The following TMPRSS7 variants were observed in gnomAD, a reference collection of about 807,000 sequenced individuals.
TMPRSS7 encodes transmembrane protease serine 7.
TMPRSS7 carries 81 observed loss-of-function variants against 95.6 expected under a neutral mutation model. The ratio of observed to expected loss-of-function variants is 0.85; its 90% CI spans 0.71 to 1.02. The LOEUF (loss-of-function observed/expected upper bound fraction) is 1.02, where lower values mean the gene tolerates loss of function less well. Among genes scored for constraint, TMPRSS7 ranks in the 50% least tolerant of loss-of-function variants. The probability of loss-of-function intolerance (pLI) is 0.00; values close to 1 mark genes in which losing one functional copy is unlikely to be tolerated. For synonymous variants in TMPRSS7, 364 were observed against 337.8 expected, an observed-to-expected ratio of 1.08 and a Z score of -0.85; for missense variants, 945 against 955.2, an observed-to-expected ratio of 0.99 and a Z score of 0.14.
At chr3:112,050,320 G>C (rs1200205569) in intron 8 of TMPRSS7, among the ~76,000 whole-genome samples, 2 of 152,064 alleles carry the variant, frequency 1.3e-5, no homozygotes, top group Non-Finnish European at 2.9e-5. Context: ...TTAGAGGAGG[G>C]AATATGAGAG....
rs888501095 is a variant in TMPRSS7, at chr3:112,059,529, A to C, written c.1311-2258A>C. Among the ~76,000 whole-genome samples, 40 of 152,210 alleles carry C rather than the reference A, an allele frequency of 2.6e-4. 1 individual carries two copies. The highest frequency in any genetic ancestry group is 9.2e-4 in the African/African-American group (38 of 41,452). On this transcript the variant is annotated intron_variant, in intron 10 of 17. Transcript: ENST00000452346. ...ACTCTACTAAATGTTAATGGTGAGC[A>C]CAAAGGAAATCACTATGAGATTCAG...
rs1202297699 is a variant in TMPRSS7 at position 112,051,577 on chromosome 3, ATCTATATCTATCTCTAT to A, written c.1203+796_1203+812del. On this transcript the variant is annotated intron_variant, in intron 9 of 17. Transcript: ENST00000452346. ...TATCTATCTATCTATGTATCTATCT[ATCTATATCTATCTCTAT>A]TATCTATCTCTATTATCTATCTATC... Among the ~76,000 whole-genome samples, 362 of 150,854 alleles carry A rather than the reference ATCTATATCTATCTCTAT, an allele frequency of 2.4e-3. 2 individuals are homozygous for A. Among genetic ancestry groups the A allele is most frequent in the African/African-American group, 8.4e-3 (343 of 40,874 alleles).
chr3:112,077,149 G>A lies in TMPRSS7; in HGVS notation c.2224+5G>A. 1.2e-6 allele frequency: 2 copies of A among 1,613,120 alleles called. No individual in the cohort carries two copies. The highest frequency in any genetic ancestry group is 1.7e-6 in the Non-Finnish European group (2 of 1,179,426). On this transcript the variant is annotated splice_donor_5th_base_variant and intron_variant, in intron 16 of 17. Coordinates refer to ENST00000452346, the Ensembl canonical transcript of TMPRSS7. ...GGGGGCGAAGACACGAAGCAGGTGT[G>A]TGTATGAATGAATGGTCATGCCCTT... is the stretch of plus-strand genomic sequence containing the variant.
intron 13 of TMPRSS7, among the ~76,000 whole-genome samples, chr3:112,070,220 T>C (rs558911003): frequency 6.6e-6 from 1 of 152,358 alleles, no homozygotes; most frequent in Non-Finnish European, 1.5e-5. Flanking sequence ...TCTGTTCTTT[T>C]ACATTTGTTG....
intron 13 of TMPRSS7, among the ~76,000 whole-genome samples, chr3:112,070,712 C>T (rs1344539838): frequency 2.0e-5 from 3 of 152,156 alleles, no homozygotes; most frequent in Non-Finnish European, 4.4e-5. Context: ...TATTTTGAGC[C>T]TATGTCTGTC....
At chr3:112,074,393 A>G (rs2073688655) in exon 14 of TMPRSS7, 1 of 1,612,372 alleles carries the variant, frequency 6.2e-7, no homozygotes, top group African/African-American at 1.3e-5. Flanking sequence ...GTCCAGATGG[A>G]AGTGATGAAG....
In TMPRSS7 at chr3:112,062,764, A is replaced by G. The variant is rs1211627942; in HGVS notation, c.1448-761A>G. Among the ~76,000 whole-genome samples the G allele has an allele frequency of 2.0e-5, 3 of 152,138 alleles. No homozygotes were observed. In the East Asian group the frequency reaches 5.8e-4, roughly 29 times the overall value. ...TTTCCAGCTTCTCATCCATTCCATC[A>G]TGTGCCATTGAAATAGTGTTTCCCT... On this transcript the variant is annotated intron_variant, in intron 11 of 17. Coordinates refer to ENST00000452346, the Ensembl canonical transcript of TMPRSS7.
intron 2 of TMPRSS7, among the ~76,000 whole-genome samples, chr3:112,041,024 G>C (rs866634826): frequency 6.7e-6 from 1 of 150,330 alleles, no homozygotes; most frequent in Non-Finnish European, 1.5e-5. Flanking sequence ...AGAAGGATGC[G>C]TGAGCTTCTG....
exon 18 of TMPRSS7, chr3:112,080,975 G>C (rs2073771864): frequency 6.2e-7 from 1 of 1,613,708 alleles, no homozygotes; most frequent in African/African-American, 1.3e-5. Flanking sequence ...ATTTTGACTG[G>C]CATTGTTAGC....
intron 11 of TMPRSS7, 101 bp downstream of exon 11, chr3:112,062,024 AT>A (rs1296360743): frequency 5.2e-6 from 4 of 769,288 alleles, no homozygotes; most frequent in African/African-American, 1.8e-5. Context: ...ATACTGCTTT[AT>A]TTCTGCTATT....
intron 13 of TMPRSS7, among the ~76,000 whole-genome samples, chr3:112,069,867 T>TA (rs760351221): frequency 2.6e-5 from 4 of 152,220 alleles, no homozygotes; most frequent in Non-Finnish European, 5.9e-5. Flanking sequence ...TGCCTTCTGC[T>TA]AGCTTTTGAA....
At chr3:112,059,936 T>C (rs1251946621) in intron 10 of TMPRSS7, among the ~76,000 whole-genome samples, 1 of 152,186 alleles carries the variant, frequency 6.6e-6, no homozygotes, top group Non-Finnish European at 1.5e-5. Flanking sequence ...TCATTACCTA[T>C]TGGGGAACCT....
At chr3:112,071,490 C>A (rs1204995067) in intron 13 of TMPRSS7, among the ~76,000 whole-genome samples, 2 of 152,160 alleles carry the variant, frequency 1.3e-5, no homozygotes, top group Non-Finnish European at 2.9e-5. Flanking sequence ...TGAATGTTGG[C>A]CTGCCATGTA....
rs561531821 is a variant in TMPRSS7, at chr3:112,041,056, T to C, written c.299-864T>C. ...TCTGGAAAGAAGTCATAGCTTTCAT[T>C]TGAATTTTAGAGTCTGCAACCAAAA... On this transcript the variant is annotated intron_variant, in intron 2 of 17. Coordinates refer to ENST00000452346, the Ensembl canonical transcript of TMPRSS7. Among the ~76,000 whole-genome samples the C allele has an allele frequency of 1.1e-4, 17 of 149,480 alleles. No individual in the cohort carries two copies. In the South Asian group the frequency reaches 2.8e-3, roughly 24 times the overall value.
chr3:112,069,806 G>GT (rs1326194139), intron 13 of TMPRSS7, among the ~76,000 whole-genome samples: 1 of 151,902 alleles, frequency 6.6e-6, no homozygotes, highest in African/African-American at 2.4e-5. Flanking sequence ...TTTTTGAAGG[G>GT]TTTTTTGTGT....
At chr3:112,076,804 T>TAAA in intron 15 of TMPRSS7, 72 bp from the exon 16 acceptor site, 1 of 1,550,670 alleles carries the variant, frequency 6.4e-7, no homozygotes, top group Non-Finnish European at 8.8e-7. Flanking sequence ...CTCAACTCTT[T>TAAA]AGAGTGCTTG....
chr3:112,075,391 G>T (rs369413198), exon 15 of TMPRSS7: 16 of 1,534,048 alleles, frequency 1.0e-5, no homozygotes, highest in Middle Eastern at 1.7e-4. Flanking sequence ...GGGGTTGGCC[G>T]TGGCAGGTCA....
intron 13 of TMPRSS7, among the ~76,000 whole-genome samples, chr3:112,072,576 G>A (rs1283321538): frequency 6.6e-6 from 1 of 152,262 alleles, no homozygotes; most frequent in African/African-American, 2.4e-5. Context: ...TGCCCACAGA[G>A]GTGGAGTCTA....
chr3:112,054,553 T>A (rs541021134), intron 9 of TMPRSS7, among the ~76,000 whole-genome samples: 12 of 152,126 alleles, frequency 7.9e-5, no homozygotes, highest in Admixed American at 2.0e-4. Flanking sequence ...CTTTTCACTA[T>A]GGAGGAACTC....
Sources: allele counts gnomAD v4.1 joint callset (sites outside exome capture counted in the v4.1 genomes callset), GRCh38; gene constraint gnomAD v4.1.1; transcripts MANE v1.5; gene names NCBI Gene and HGNC (gene_info 2026-07-23, HGNC 2026-07-21).